NRXN3: variants seen among roughly 807,000 people sequenced by gnomAD.
NRXN3 encodes the protein neurexin III.
A neutral mutation model predicts 137.6 loss-of-function variants in NRXN3; 32 were observed. The ratio of observed to expected loss-of-function variants is 0.23; its 90% CI spans 0.18 to 0.31. NRXN3 has a LOEUF of 0.31. Ranked by LOEUF, NRXN3 falls within the 10% of genes least tolerant of loss-of-function variation. The probability of loss-of-function intolerance (pLI) is 1.00; values close to 1 mark genes in which losing one functional copy is unlikely to be tolerated. For synonymous variants in NRXN3, 798 were observed against 784.5 expected (o/e 1.02, Z -0.29); for missense variants, 1,574 against 2,062.5 (o/e 0.76, Z 4.59).
At chr14:78,469,212 T>C (rs1174841933) in intron 4 of NRXN3, among the ~76,000 whole-genome samples, 3 of 152,146 alleles carry the variant, frequency 2.0e-5, no homozygotes, top group Non-Finnish European at 2.9e-5. Context: ...ATCTAATGTA[T>C]GGCAAAATAG....
chr14:78,947,757 G>A (rs1040600966), intron 10 of NRXN3, among the ~76,000 whole-genome samples: 8 of 152,180 alleles, frequency 5.3e-5, no homozygotes, highest in Non-Finnish European at 1.2e-4. Flanking sequence ...AGTGCTGACA[G>A]CAGACTACTG....
intron 15 of NRXN3, among the ~76,000 whole-genome samples, chr14:79,046,579 C>T (rs1338391559): frequency 6.6e-6 from 1 of 152,160 alleles, no homozygotes; most frequent in Non-Finnish European, 1.5e-5. Context: ...ATGCAGATGT[C>T]CACAGGGGAC....
At chr14:78,494,128 A>G (rs904998036) in intron 4 of NRXN3, among the ~76,000 whole-genome samples, 2 of 152,214 alleles carry the variant, frequency 1.3e-5, no homozygotes, top group Non-Finnish European at 1.5e-5. Flanking sequence ...CATCCATAGC[A>G]GAGATGCTTT....
intron 15 of NRXN3, among the ~76,000 whole-genome samples, chr14:79,006,754 A>G (rs2152370167): frequency 6.6e-6 from 1 of 152,288 alleles, no homozygotes; most frequent in South Asian, 2.1e-4. Flanking sequence ...TTCCAGTGGA[A>G]TGAACTGTTA....
chr14:78,173,807 A>G (rs561066730), intron 1 of NRXN3, among the ~76,000 whole-genome samples: 4 of 107,046 alleles, frequency 3.7e-5, no homozygotes, highest in Non-Finnish European at 6.7e-5. Flanking sequence ...CGGCACATCC[A>G]CACACACACT....
chr14:78,591,177 A>T (rs993015470), intron 4 of NRXN3, among the ~76,000 whole-genome samples: 1 of 152,154 alleles, frequency 6.6e-6, no homozygotes, highest in Non-Finnish European at 1.5e-5. Context: ...GGCCTGTGGG[A>T]GTCGAGTGGT....
intron 15 of NRXN3, among the ~76,000 whole-genome samples, chr14:79,427,984 C>T (rs779255219): frequency 1.1e-4 from 16 of 151,798 alleles, no homozygotes; most frequent in Admixed American, 3.3e-4. Flanking sequence ...ACGTTCTGCA[C>T]GTGTGTGTGT....
intron 15 of NRXN3, among the ~76,000 whole-genome samples, chr14:79,298,231 T>A (rs969786895): frequency 6.6e-6 from 1 of 152,114 alleles, no homozygotes; most frequent in Non-Finnish European, 1.5e-5. Flanking sequence ...TGGCTTATAA[T>A]GACATGACCA....
chr14:79,660,096 G>A (rs1304928315), intron 16 of NRXN3, among the ~76,000 whole-genome samples: 1 of 152,086 alleles, frequency 6.6e-6, no homozygotes, highest in Non-Finnish European at 1.5e-5. Flanking sequence ...GGTCAGTCAG[G>A]TCTGACACCA....
Position 78,968,357 on chromosome 14 carries a change from T to G in NRXN3, c.3142+11T>G. On this transcript the variant is annotated intron_variant, in intron 14 of 20. Transcript: ENST00000335750. ...AGCGTGGCTGTGAAGGTACAACCTA[T>G]TTTTTTCTTGTTAAGCTACAGCCTT... 1 of 1,608,850 alleles carries G rather than the reference T, an allele frequency of 6.2e-7. No homozygotes were observed. The highest frequency in any genetic ancestry group is 8.5e-7 in the Non-Finnish European group (1 of 1,176,480).
chr14:79,422,896 C>T (rs1026310099), intron 15 of NRXN3, among the ~76,000 whole-genome samples: 6 of 151,946 alleles, frequency 3.9e-5, no homozygotes, highest in Non-Finnish European at 8.8e-5. Flanking sequence ...GACGGGGTTT[C>T]ACCATATTGG....
At chr14:79,705,509 A>C (rs1486052304) in intron 19 of NRXN3, among the ~76,000 whole-genome samples, 11 of 152,144 alleles carry the variant, frequency 7.2e-5, no homozygotes, top group Admixed American at 7.2e-4. Flanking sequence ...TTCCTGCATT[A>C]ATATTGATTT....
chr14:79,297,594 G>A (rs1478712002), intron 15 of NRXN3, among the ~76,000 whole-genome samples: 1 of 152,094 alleles, frequency 6.6e-6, no homozygotes, highest in Non-Finnish European at 1.5e-5. Flanking sequence ...TATTCTGGCA[G>A]CGCATGTAGG....
intron 16 of NRXN3, among the ~76,000 whole-genome samples, chr14:79,625,930 G>A (rs1365001587): frequency 1.3e-5 from 2 of 152,150 alleles, no homozygotes; most frequent in African/African-American, 4.8e-5. Context: ...AGTGATGCAT[G>A]TCTCATAGGA....
At chr14:79,257,385 G>T (rs866012597) in intron 15 of NRXN3, among the ~76,000 whole-genome samples, 1 of 89,476 alleles carries the variant, frequency 1.1e-5, no homozygotes, top group African/African-American at 4.3e-5. Flanking sequence ...GGTGGTGGTG[G>T]TGATGGTGGT....
chr14:78,806,414 C>T (rs888766095), intron 9 of NRXN3, among the ~76,000 whole-genome samples: 1 of 152,128 alleles, frequency 6.6e-6, no homozygotes, highest in African/African-American at 2.4e-5. Flanking sequence ...TTCTCAATTA[C>T]AGAAGAAAAT....
intron 2 of NRXN3, among the ~76,000 whole-genome samples, chr14:78,266,321 A>G (rs1000436864): frequency 2.6e-5 from 4 of 151,226 alleles, no homozygotes; most frequent in South Asian, 2.1e-4. Flanking sequence ...TTTTTTTGAG[A>G]TGGAGTCTCA....
At chr14:78,792,470 A>G (rs2098808766) in intron 8 of NRXN3, among the ~76,000 whole-genome samples, 1 of 152,172 alleles carries the variant, frequency 6.6e-6, no homozygotes, top group Admixed American at 6.5e-5. Context: ...AAGAGGGCAG[A>G]TGGTATAATT....
chr14:78,679,956 G>A (rs142429527), intron 6 of NRXN3, among the ~76,000 whole-genome samples: 206 of 152,082 alleles, frequency 1.4e-3, no homozygotes, highest in Non-Finnish European at 2.1e-3. Context: ...GATTTCTATT[G>A]CTCTTTGGTT....
Sources: allele counts gnomAD v4.1 joint callset (sites outside exome capture counted in the v4.1 genomes callset), GRCh38; gene constraint gnomAD v4.1.1; transcripts MANE v1.5; gene names NCBI Gene and HGNC (gene_info 2026-07-23, HGNC 2026-07-21).